CNTLN: variants seen among roughly 807,000 people sequenced by gnomAD.
The protein encoded by CNTLN is centlein, centrosomal protein.
Under a neutral mutation model 180.0 loss-of-function variants are expected in CNTLN, and 212 were observed. The ratio of observed to expected loss-of-function variants is 1.18; its 90% CI spans 1.05 to 1.32. The LOEUF (loss-of-function observed/expected upper bound fraction) is 1.32, where lower values mean the gene tolerates loss of function less well. Ranked by LOEUF, CNTLN falls within the 40% of genes most tolerant of loss-of-function variation. CNTLN has a pLI of 0.00. For synonymous variants in CNTLN, 722 were observed against 563.1 expected, an observed-to-expected ratio of 1.28 and a Z score of -3.99; for missense variants, 2,095 against 1,610.9, an observed-to-expected ratio of 1.30 and a Z score of -5.14.
chr9:17,512,607 A>G, the CNTLN span, among the ~76,000 whole-genome samples: 1 of 148,982 alleles, frequency 6.7e-6, no homozygotes, highest in African/African-American at 2.5e-5. Flanking sequence ...TAGTACATCC[A>G]TGTAACAAAC....
chr9:17,381,389 A>T (rs1240442336), intron 13 of CNTLN, among the ~76,000 whole-genome samples: 1 of 152,194 alleles, frequency 6.6e-6, no homozygotes, highest in Admixed American at 6.5e-5. Flanking sequence ...AACCAAACTC[A>T]TACTATCAGC....
chr9:17,307,564 C>T (rs891531425), intron 7 of CNTLN, among the ~76,000 whole-genome samples: 9 of 151,892 alleles, frequency 5.9e-5, no homozygotes, highest in East Asian at 1.9e-4. Context: ...GCCACCTTCC[C>T]AGCCAGAGAT....
the CNTLN span, among the ~76,000 whole-genome samples, chr9:17,525,036 A>G: frequency 9.2e-5 from 14 of 152,336 alleles, no homozygotes; most frequent in East Asian, 2.7e-3. Context: ...ATCAGGTTTG[A>G]ACATACACAA....
chr9:17,345,516 G>C (rs564120988), intron 12 of CNTLN, among the ~76,000 whole-genome samples: 1 of 148,724 alleles, frequency 6.7e-6, no homozygotes, highest in Non-Finnish European at 1.5e-5. Flanking sequence ...TAGAGTTTTT[G>C]ACTATATCTT....
intron 15 of CNTLN, among the ~76,000 whole-genome samples, chr9:17,400,911 G>T (rs111980889): frequency 1.1e-4 from 16 of 152,178 alleles, no homozygotes; most frequent in African/African-American, 3.9e-4. Context: ...CCTGCATTTT[G>T]TTGCTGTTTA....
chr9:17,203,459 C>T (rs556274482), intron 2 of CNTLN, among the ~76,000 whole-genome samples: 10 of 152,252 alleles, frequency 6.6e-5, no homozygotes, highest in South Asian at 2.1e-4. Context: ...TGTCACTTTA[C>T]GGTACACCAA....
chr9:17,454,088 T>TAC (rs1193101927), intron 18 of CNTLN, among the ~76,000 whole-genome samples: 2 of 152,156 alleles, frequency 1.3e-5, no homozygotes, highest in African/African-American at 4.8e-5. Context: ...AGAGCATGAG[T>TAC]CATCTGAGAA....
chr9:17,222,714 A>G (rs148213756), intron 2 of CNTLN, among the ~76,000 whole-genome samples: 4 of 151,892 alleles, frequency 2.6e-5, no homozygotes, highest in Non-Finnish European at 5.9e-5. Flanking sequence ...AATATTGCTA[A>G]ATCCAACAGT....
intron 18 of CNTLN, among the ~76,000 whole-genome samples, chr9:17,452,085 A>G (rs1263505923): frequency 6.6e-6 from 1 of 152,160 alleles, no homozygotes; most frequent in Admixed American, 6.5e-5. Flanking sequence ...CAGATATTGA[A>G]TATTTTATTC....
intron 18 of CNTLN, among the ~76,000 whole-genome samples, chr9:17,418,035 A>G (rs2133900200): frequency 6.6e-6 from 1 of 152,116 alleles, no homozygotes; most frequent in South Asian, 2.1e-4. Context: ...AGCTATTTCA[A>G]ATCTCATCTA....
At chr9:17,413,639 G>A (rs1828018108) in intron 16 of CNTLN, among the ~76,000 whole-genome samples, 1 of 152,136 alleles carries the variant, frequency 6.6e-6, no homozygotes, top group African/African-American at 2.4e-5. Context: ...AGGATATACG[G>A]ATGGCAAATA....
At chr9:17,283,117 C>T (rs1008169513) in intron 6 of CNTLN, among the ~76,000 whole-genome samples, 1 of 152,116 alleles carries the variant, frequency 6.6e-6, no homozygotes, top group Non-Finnish European at 1.5e-5. Context: ...TTTTCTAAAT[C>T]TGTGAAGAAT....
At chr9:17,344,122 A>G (rs1216921868) in intron 12 of CNTLN, among the ~76,000 whole-genome samples, 1 of 150,088 alleles carries the variant, frequency 6.7e-6, no homozygotes, top group African/African-American at 2.4e-5. Flanking sequence ...AAATTTAGGA[A>G]GGATTACCTA....
At chr9:17,326,334 G>T (rs1820291743) in intron 8 of CNTLN, among the ~76,000 whole-genome samples, 1 of 151,860 alleles carries the variant, frequency 6.6e-6, no homozygotes, top group Admixed American at 6.6e-5. Context: ...GTGAATAATT[G>T]TTAGGAAGGA....
At chr9:17,261,752 G>C (rs1337253238) in intron 5 of CNTLN, among the ~76,000 whole-genome samples, 1 of 151,396 alleles carries the variant, frequency 6.6e-6, no homozygotes, top group Non-Finnish European at 1.5e-5. Flanking sequence ...TTAAACTAAA[G>C]AGGTTCTGCA....
intron 5 of CNTLN, among the ~76,000 whole-genome samples, chr9:17,242,581 G>T (rs1461068257): frequency 6.6e-6 from 1 of 152,172 alleles, no homozygotes; most frequent in Non-Finnish European, 1.5e-5. Flanking sequence ...AAAGTGCTGG[G>T]ATTACAGGCG....
intron 23 of CNTLN, among the ~76,000 whole-genome samples, chr9:17,473,765 C>T (rs767436071): frequency 4.6e-5 from 7 of 152,146 alleles, no homozygotes; most frequent in Non-Finnish European, 1.0e-4. Context: ...ATTAGGCTTT[C>T]AATCTTATTA....
chr9:17,255,758 G>A (rs1237657836), intron 5 of CNTLN, among the ~76,000 whole-genome samples: 1 of 151,668 alleles, frequency 6.6e-6, no homozygotes, highest in Admixed American at 6.6e-5. Flanking sequence ...TAAATTTTTG[G>A]TAGAATTATC....
At chr9:17,151,698 T>G (rs1818893744) in intron 2 of CNTLN, among the ~76,000 whole-genome samples, 1 of 152,200 alleles carries the variant, frequency 6.6e-6, no homozygotes. Context: ...GAGGAGTCCC[T>G]CTTTTTCTGT....
Sources: gnomAD v4.1 joint callset for allele counts (sites outside exome capture counted in the v4.1 genomes callset) on GRCh38, gnomAD v4.1.1 for gene constraint, MANE v1.5 for transcripts, NCBI Gene and HGNC (gene_info 2026-07-23, HGNC 2026-07-21) for gene names.